The following ADAMTS20 variants were observed in gnomAD, a reference collection of about 807,000 sequenced individuals.
ADAMTS20 encodes A disintegrin and metalloproteinase with thrombospondin motifs 20.
ADAMTS20 carries 225 observed loss-of-function variants against 260.1 expected under a neutral mutation model. That is an observed-to-expected ratio of 0.87 (90% CI 0.78 to 0.97). The LOEUF (loss-of-function observed/expected upper bound fraction) is 0.97, where lower values mean the gene tolerates loss of function less well. Ranked by LOEUF, ADAMTS20 falls within the 50% of genes least tolerant of loss-of-function variation. The pLI, the probability that ADAMTS20 is intolerant of heterozygous loss-of-function variation, is 0.00. For missense variants in ADAMTS20, 2,400 were observed against 2,337.7 expected, an observed-to-expected ratio of 1.03 and a Z score of -0.55; for synonymous variants, 802 against 769.5, an observed-to-expected ratio of 1.04 and a Z score of -0.70.
chr12:43,408,338 T>C (rs573540527), intron 28 of ADAMTS20, among the ~76,000 whole-genome samples: 1 of 152,228 alleles, frequency 6.6e-6, no homozygotes, highest in Non-Finnish European at 1.5e-5. Context: ...CTAAAGAGAT[T>C]AGAAAAATAT....
chr12:43,422,238 A>G (rs1047238341), intron 28 of ADAMTS20, among the ~76,000 whole-genome samples: 2 of 152,026 alleles, frequency 1.3e-5, no homozygotes, highest in Admixed American at 6.5e-5. Context: ...TACATTTCAC[A>G]TTTCATTTGC....
At chr12:43,436,762 C>A (rs1181155766) in intron 18 of ADAMTS20, among the ~76,000 whole-genome samples, 1 of 152,120 alleles carries the variant, frequency 6.6e-6, no homozygotes, top group Non-Finnish European at 1.5e-5. Context: ...GTGATCCCAG[C>A]CCATTCAGCG....
At chr12:43,536,917 T>C (rs1173517789) in intron 2 of ADAMTS20, among the ~76,000 whole-genome samples, 2 of 152,230 alleles carry the variant, frequency 1.3e-5, no homozygotes. Context: ...CAGAAACAAA[T>C]TACTGAATTG....
intron 11 of ADAMTS20, among the ~76,000 whole-genome samples, chr12:43,455,697 TG>T (rs1565556579): frequency 6.7e-6 from 1 of 148,968 alleles, no homozygotes; most frequent in East Asian, 2.2e-4. Flanking sequence ...CAATGGACAC[TG>T]GGTTGCTTTC....
At chr12:43,409,362 G>A (rs1025288945) in intron 28 of ADAMTS20, among the ~76,000 whole-genome samples, 12 of 151,814 alleles carry the variant, frequency 7.9e-5, no homozygotes, top group African/African-American at 2.4e-4. Flanking sequence ...CAGCACTTTG[G>A]GAGGCCGAGA....
intron 37 of ADAMTS20, among the ~76,000 whole-genome samples, chr12:43,368,069 C>T (rs1940025988): frequency 6.6e-6 from 1 of 151,926 alleles, no homozygotes. Context: ...TCCTGGCTAC[C>T]TTCTCCATTT....
intron 28 of ADAMTS20, among the ~76,000 whole-genome samples, chr12:43,420,661 G>A (rs1941209278): frequency 6.6e-6 from 1 of 151,876 alleles, no homozygotes; most frequent in Non-Finnish European, 1.5e-5. Flanking sequence ...GAGCTACAGG[G>A]GGAGGCAGAG....
intron 7 of ADAMTS20, among the ~76,000 whole-genome samples, chr12:43,471,325 G>A (rs566974970): frequency 3.6e-4 from 55 of 150,734 alleles, no homozygotes; most frequent in Admixed American, 1.9e-3. Flanking sequence ...CACCTGGCTC[G>A]GAGGGTCCTA....
chr12:43,490,572 T>G, intron 6 of ADAMTS20, 137 bp from the exon 7 acceptor site: 1 of 459,732 alleles, frequency 2.2e-6, no homozygotes, highest in Non-Finnish European at 3.9e-6. Context: ...CATTAACCTC[T>G]CAAAAAGTCT....
At chr12:43,382,067 GA>G (rs1940366540) in intron 31 of ADAMTS20, among the ~76,000 whole-genome samples, 1 of 152,104 alleles carries the variant, frequency 6.6e-6, no homozygotes, top group Admixed American at 6.6e-5. Context: ...GGCCACTGTG[GA>G]AAACAGTTTG....
intron 16 of ADAMTS20, among the ~76,000 whole-genome samples, chr12:43,443,368 A>G (rs1941702000): frequency 6.6e-6 from 1 of 152,202 alleles, no homozygotes; most frequent in Admixed American, 6.5e-5. Flanking sequence ...ACTTTTTTAA[A>G]TACAAGAGCT....
intron 2 of ADAMTS20, among the ~76,000 whole-genome samples, chr12:43,541,921 G>T (rs1943381751): frequency 6.6e-6 from 1 of 152,106 alleles, no homozygotes; most frequent in African/African-American, 2.4e-5. Context: ...CTTTTTAAAA[G>T]GGACTGCTCT....
chr12:43,435,132 T>C (rs1941526250), intron 18 of ADAMTS20, among the ~76,000 whole-genome samples: 1 of 152,196 alleles, frequency 6.6e-6, no homozygotes, highest in South Asian at 2.1e-4. Context: ...AACCATAGAA[T>C]TTACAACACA....
chr12:43,520,672 T>C (rs753492604), intron 3 of ADAMTS20, among the ~76,000 whole-genome samples: 5 of 152,224 alleles, frequency 3.3e-5, no homozygotes, highest in Non-Finnish European at 7.3e-5. Context: ...AATATCTCTA[T>C]AGTCATCTCT....
At chr12:43,353,502 G>C (rs960640886), downstream of ADAMTS20, among the ~76,000 whole-genome samples, 1 of 151,814 alleles carries the variant, frequency 6.6e-6, no homozygotes, top group African/African-American at 2.4e-5. Flanking sequence ...ATTTGAGGTA[G>C]ATTTTAAAAA....
At chr12:43,504,598 C>G (rs1008246912) in intron 3 of ADAMTS20, among the ~76,000 whole-genome samples, 1 of 151,998 alleles carries the variant, frequency 6.6e-6, no homozygotes, top group Non-Finnish European at 1.5e-5. Context: ...ATATAGAAAT[C>G]TCAATCAAGG....
intron 2 of ADAMTS20, among the ~76,000 whole-genome samples, chr12:43,535,088 C>T (rs904934510): frequency 6.6e-6 from 1 of 152,092 alleles, no homozygotes; most frequent in African/African-American, 2.4e-5. Context: ...ATCCCTACTC[C>T]TAAAAACACA....
intron 18 of ADAMTS20, among the ~76,000 whole-genome samples, chr12:43,436,850 C>G (rs948848888): frequency 1.3e-5 from 2 of 152,172 alleles, no homozygotes; most frequent in Non-Finnish European, 2.9e-5. Context: ...GAGAGAATTC[C>G]TCTCTTGCAG....
intron 7 of ADAMTS20, among the ~76,000 whole-genome samples, chr12:43,472,020 AG>A (rs1169710073): frequency 1.2e-4 from 19 of 152,280 alleles, no homozygotes; most frequent in Middle Eastern, 3.4e-3. Flanking sequence ...AGAAGGCTTC[AG>A]AAAATCAAAT....
Sources: allele counts gnomAD v4.1 joint callset (sites outside exome capture counted in the v4.1 genomes callset), GRCh38; gene constraint gnomAD v4.1.1; transcripts MANE v1.5; gene names NCBI Gene and HGNC (gene_info 2026-07-23, HGNC 2026-07-21).